The following PLCB4 variants were observed in gnomAD, a reference collection of about 807,000 sequenced individuals.
The protein encoded by PLCB4 is phospholipase C beta 4, also known as 1-phosphatidylinositol 4,5-bisphosphate phosphodiesterase beta-4.
A neutral mutation model predicts 178.8 loss-of-function variants in PLCB4; 77 were observed. The observed-to-expected ratio is 0.43, with a 90% CI of 0.36 to 0.52. The LOEUF is 0.52. PLCB4 is among the 20% of genes least tolerant of loss of function. The pLI, the probability that PLCB4 is intolerant of heterozygous loss-of-function variation, is 0.00. For missense variants in PLCB4, 1,024 were observed against 1,453.4 expected (o/e 0.70, Z 4.80); for synonymous variants, 496 against 490.8 (o/e 1.01, Z -0.14).
At chr20:9,104,141 A>G (rs1203448079) in intron 2 of PLCB4, among the ~76,000 whole-genome samples, 1 of 152,128 alleles carries the variant, frequency 6.6e-6, no homozygotes, top group Non-Finnish European at 1.5e-5. Context: ...CAGAGGATCC[A>G]CTTTTGAGAT....
At chr20:9,296,266 A>T (rs1284336672) in intron 3 of PLCB4, among the ~76,000 whole-genome samples, 2 of 152,198 alleles carry the variant, frequency 1.3e-5, no homozygotes, top group Non-Finnish European at 2.9e-5. Flanking sequence ...AATGCTCATC[A>T]TCCCTGGCCA....
chr20:9,362,826 T>G, intron 7 of PLCB4, 70 bp from the exon 8 acceptor site: 2 of 874,880 alleles, frequency 2.3e-6, no homozygotes, highest in Non-Finnish European at 1.9e-6. Flanking sequence ...ATACAATCTA[T>G]CTAATAAAAA....
At chr20:9,075,256 C>A (rs1453435179) in intron 1 of PLCB4, among the ~76,000 whole-genome samples, 1 of 152,090 alleles carries the variant, frequency 6.6e-6, no homozygotes, top group Non-Finnish European at 1.5e-5. Flanking sequence ...TAAGCTGGTA[C>A]ATGCTGCAGA....
chr20:9,310,199 C>T (rs1332858169), intron 4 of PLCB4, among the ~76,000 whole-genome samples: 4 of 152,104 alleles, frequency 2.6e-5, no homozygotes, highest in Non-Finnish European at 1.5e-5. Flanking sequence ...AGAAAAGGTT[C>T]GTTTCTATGG....
intron 24 of PLCB4, among the ~76,000 whole-genome samples, chr20:9,409,639 C>T (rs1471708006): frequency 2.6e-5 from 4 of 152,076 alleles, no homozygotes; most frequent in Non-Finnish European, 5.9e-5. Context: ...TAAACAAATA[C>T]AGAATATTTT....
At chr20:9,335,869 C>G (rs1414421735) in intron 4 of PLCB4, among the ~76,000 whole-genome samples, 2 of 152,162 alleles carry the variant, frequency 1.3e-5, no homozygotes, top group Non-Finnish European at 2.9e-5. Flanking sequence ...TAAATACATA[C>G]AGTAATACTT....
chr20:9,337,797 ATG>A (rs544460967), intron 5 of PLCB4, among the ~76,000 whole-genome samples: 262 of 152,256 alleles, frequency 1.7e-3, no homozygotes, highest in Non-Finnish European at 1.9e-3. Context: ...GTCTATATGT[ATG>A]TATATATATA....
intron 7 of PLCB4, among the ~76,000 whole-genome samples, chr20:9,350,822 G>C (rs534791943): frequency 6.6e-6 from 1 of 152,326 alleles, no homozygotes; most frequent in African/African-American, 2.4e-5. Flanking sequence ...GCCTCCCAAA[G>C]TGTTGGGTTA....
chr20:9,119,518 G>GAAA (rs11481752), intron 2 of PLCB4, among the ~76,000 whole-genome samples: 4 of 131,592 alleles, frequency 3.0e-5, no homozygotes, highest in Non-Finnish European at 3.3e-5. Flanking sequence ...AGAGAAAGGA[G>GAAA]AAAAAAAAAA....
chr20:9,252,157 T>A (rs1248729181), intron 3 of PLCB4, among the ~76,000 whole-genome samples: 2 of 152,172 alleles, frequency 1.3e-5, no homozygotes, highest in Admixed American at 6.6e-5. Flanking sequence ...TAAATGTAAA[T>A]GCAAATTAAT....
chr20:9,444,676 C>T (rs1295700559), intron 32 of PLCB4, among the ~76,000 whole-genome samples: 1 of 152,044 alleles, frequency 6.6e-6, no homozygotes, highest in Non-Finnish European at 1.5e-5. Flanking sequence ...GCAGGAGAAT[C>T]GCTTTAACCC....
chr20:9,247,759 TGAGG>T (rs2094140051), intron 3 of PLCB4, among the ~76,000 whole-genome samples: 1 of 152,180 alleles, frequency 6.6e-6, no homozygotes, highest in South Asian at 2.1e-4. Context: ...CTGGAGGTCC[TGAGG>T]AGGCAGGTGC....
chr20:9,291,232 G>A (rs1364435367), intron 3 of PLCB4, among the ~76,000 whole-genome samples: 1 of 152,068 alleles, frequency 6.6e-6, no homozygotes, highest in Non-Finnish European at 1.5e-5. Flanking sequence ...GAATGTTATT[G>A]CTGGTATTTC....
intron 25 of PLCB4, among the ~76,000 whole-genome samples, chr20:9,418,088 A>G (rs2040376622): frequency 6.6e-6 from 1 of 152,158 alleles, no homozygotes; most frequent in Admixed American, 6.5e-5. Flanking sequence ...CTAATCAGAT[A>G]TATGAATTGC....
At chr20:9,193,655 C>T (rs543147842) in intron 2 of PLCB4, among the ~76,000 whole-genome samples, 2 of 152,154 alleles carry the variant, frequency 1.3e-5, no homozygotes, top group East Asian at 1.9e-4. Context: ...GAAAAAAGAC[C>T]TATGTCTTTT....
intron 28 of PLCB4, among the ~76,000 whole-genome samples, chr20:9,425,652 C>G (rs1234316236): frequency 1.3e-5 from 2 of 152,202 alleles, no homozygotes; most frequent in Non-Finnish European, 2.9e-5. Context: ...TGCCAGTATT[C>G]TTTCCTAACA....
chr20:9,328,950 TAAG>T (rs769907506), intron 4 of PLCB4, among the ~76,000 whole-genome samples: 8 of 152,140 alleles, frequency 5.3e-5, no homozygotes, highest in Non-Finnish European at 8.8e-5. Context: ...TAAATGAACT[TAAG>T]GAGGGGGTAT....
At position 9,393,575 on chromosome 20, in the gene PLCB4, T is replaced by C. The variant is rs1602338284; in HGVS notation, c.1324-13T>C. On this transcript the variant is annotated splice_polypyrimidine_tract_variant and intron_variant, in intron 17 of 39. Transcript: ENST00000378473. ...AGCCCTTCCTTAATTCAGCTCTTTCTGTTTCTCTCTAGCTTGAACCAGGCA... is the reference window on the plus strand; with the variant it reads ...AGCCCTTCCTTAATTCAGCTCTTTCCGTTTCTCTCTAGCTTGAACCAGGCA... 6.4e-7 allele frequency: 1 copy of C among 1,559,628 alleles called. No homozygotes were observed.
rs150143277 is a variant in PLCB4 at position 9,147,983 on chromosome 20, T to C, written c.-79+51641T>C. The stretch of plus-strand genomic sequence containing the variant: ...TTTCTCCATGCCATGGCCACAGGAC[T>C]GTACTTTTGATACTGATAAGCAGCC... On this transcript the variant is annotated intron_variant, in intron 2 of 39. Transcript: ENST00000378473. Among the ~76,000 whole-genome samples, 3 of 152,292 alleles carry C rather than the reference T, an allele frequency of 2.0e-5. No individual in the cohort carries two copies. The East Asian group carries it at 5.8e-4, about 29-fold the overall frequency.
Sources: allele counts gnomAD v4.1 joint callset (sites outside exome capture counted in the v4.1 genomes callset), GRCh38; gene constraint gnomAD v4.1.1; transcripts MANE v1.5; gene names NCBI Gene and HGNC (gene_info 2026-07-23, HGNC 2026-07-21).